The following CACNA1B variants were observed in gnomAD, a reference collection of about 807,000 sequenced individuals.
The protein encoded by CACNA1B is calcium voltage-gated channel subunit alpha1 B, also known as voltage-dependent N-type calcium channel subunit alpha-1B.
CACNA1B carries 70 observed loss-of-function variants against 247.2 expected under a neutral mutation model. That is an observed-to-expected ratio of 0.28 (90% CI 0.23 to 0.35). CACNA1B has a LOEUF of 0.35. Ranked by LOEUF, CACNA1B falls within the 10% of genes least tolerant of loss-of-function variation. The probability of loss-of-function intolerance (pLI) is 1.00; values close to 1 mark genes in which losing one functional copy is unlikely to be tolerated. For synonymous variants in CACNA1B, 1,231 were observed against 1,294.4 expected (o/e 0.95, Z 1.05); for missense variants, 2,367 against 3,197.4 (o/e 0.74, Z 6.26).
chr9:138,073,598 C>T lies in CACNA1B; in HGVS notation c.4785C>T (p.Ser1595=), dbSNP rs763281678. Residue 1595 remains serine (S), a synonymous_variant, in exon 33 of 47, where the codon TCC becomes TCT. Transcript: ENST00000371372. The surrounding 1 kb of genome is among the most constrained non-coding windows in gnomAD (Gnocchi z 6.4). Reference sequence around the variant, plus strand: ...TCCTGCTGTGGACCTTTGTCCAGTCCTTCAAGGTGGGCCAGGCGGGGGGCC... The same window carrying T: ...TCCTGCTGTGGACCTTTGTCCAGTCTTTCAAGGTGGGCCAGGCGGGGGGCC... The part of the protein sequence containing the change: ...IRILLWTFVQ[S]FKALPYVCLL... The T allele has an allele frequency of 6.3e-6, 10 of 1,590,648 alleles. No individual in the cohort carries two copies. The highest frequency in any genetic ancestry group is 2.2e-5 in the South Asian group (2 of 90,630).
At chr9:137,994,237 C>G (rs1958469593) in intron 15 of CACNA1B, among the ~76,000 whole-genome samples, 1 of 152,178 alleles carries the variant, frequency 6.6e-6, no homozygotes, top group Non-Finnish European at 1.5e-5. Context: ...CCACAGCCAA[C>G]ATAATACTGA....
At chr9:137,941,632 T>C (rs1272972284) in intron 6 of CACNA1B, among the ~76,000 whole-genome samples, 1 of 152,118 alleles carries the variant, frequency 6.6e-6, no homozygotes, top group Non-Finnish European at 1.5e-5. Flanking sequence ...CAAAACAGCA[T>C]GGTACTGGTA....
chr9:137,962,178 T>G (rs148875686), intron 10 of CACNA1B, among the ~76,000 whole-genome samples: 1 of 152,176 alleles, frequency 6.6e-6, no homozygotes, highest in Admixed American at 6.5e-5. Context: ...GAGGTGTTTA[T>G]AGTATTCTCT....
In CACNA1B at chr9:137,956,568, C is replaced by T. The variant is rs111955103; in HGVS notation, c.1187-203C>T. Among the ~76,000 whole-genome samples, 4,859 of 151,778 alleles carry T rather than the reference C, an allele frequency of 0.032. 247 individuals are homozygous for T. The highest frequency in any genetic ancestry group is 0.11 in the African/African-American group (4,480 of 41,288). ...AGTGGGGAGGCTGAGGCAGGAGAAT[C>T]GCTTGAACCCGGAAGGTGGAGGTTG... On this transcript the variant is annotated intron_variant, in intron 8 of 46. Transcript: ENST00000371372.
chr9:137,895,179 G>A (rs1189745197), intron 3 of CACNA1B, among the ~76,000 whole-genome samples: 1 of 152,084 alleles, frequency 6.6e-6, no homozygotes, highest in Non-Finnish European at 1.5e-5. Context: ...CTATTTCTGG[G>A]TTCTTTATTC....
At chr9:137,909,046 A>G (rs1957331009) in intron 3 of CACNA1B, among the ~76,000 whole-genome samples, 1 of 147,082 alleles carries the variant, frequency 6.8e-6, no homozygotes, top group African/African-American at 2.5e-5. Context: ...GCTGGAGTGC[A>G]ATGGTGCAAT....
intron 16 of CACNA1B, among the ~76,000 whole-genome samples, chr9:138,009,607 T>G (rs893016489): frequency 9.2e-5 from 14 of 152,134 alleles, no homozygotes; most frequent in African/African-American, 3.4e-4. Flanking sequence ...CTTCTTGTGC[T>G]GGCCGGGGCT....
chr9:137,882,701 C>T lies in CACNA1B; in HGVS notation c.391-43C>T, dbSNP rs201375153. ...CAACCGTCTCTGCCCGCTACTACACCGGGTAGGGGCCAGGGGTGACCACTG... is the reference window on the plus strand; with the variant it reads ...CAACCGTCTCTGCCCGCTACTACACTGGGTAGGGGCCAGGGGTGACCACTG... On this transcript the variant is annotated intron_variant, in intron 2 of 46. Transcript: ENST00000371372. The surrounding 1 kb of genome is among the most constrained non-coding windows in gnomAD (Gnocchi z 4.0). The T allele has an allele frequency of 2.3e-5, 37 of 1,610,972 alleles. 1 individual carries two copies. Among genetic ancestry groups the T allele is most frequent in the South Asian group, 1.8e-4 (16 of 90,956 alleles).
intron 35 of CACNA1B, among the ~76,000 whole-genome samples, chr9:138,076,909 A>G (rs1432825156): frequency 2.6e-5 from 4 of 152,210 alleles, no homozygotes; most frequent in African/African-American, 7.2e-5. Flanking sequence ...TTTGCATAAC[A>G]TAAGCAAGCA....
chr9:137,883,347 G>A (rs1409944263), intron 3 of CACNA1B, among the ~76,000 whole-genome samples: 2 of 152,058 alleles, frequency 1.3e-5, no homozygotes, highest in Non-Finnish European at 2.9e-5. Context: ...TGTCCACCTC[G>A]CTCAGAGCCC....
At chr9:137,936,270 T>C (rs1158203658) in intron 6 of CACNA1B, among the ~76,000 whole-genome samples, 3 of 152,354 alleles carry the variant, frequency 2.0e-5, no homozygotes, top group South Asian at 2.1e-4. Flanking sequence ...TTCATGTGCC[T>C]GTTGGCTGCA....
rs1369116795 is a variant in CACNA1B, at chr9:137,971,025, G to A, written c.1334-358G>A. On this transcript the variant is annotated intron_variant, in intron 10 of 46. Coordinates refer to ENST00000371372, the MANE Select transcript of CACNA1B (RefSeq NM_000718.4). This position sits in a 1 kb window ranked among gnomAD's most constrained non-coding sequence, Gnocchi z 4.4. ...GCTGAAGAGATGGGATCTGGGGAGG[G>A]ACTAACTCAGATTTATGTCTTCAGG... 6.6e-6 allele frequency among the ~76,000 whole-genome samples: 1 copy of A among 152,166 alleles called. No homozygotes were observed. The highest frequency in any genetic ancestry group is 1.5e-5 in the Non-Finnish European group (1 of 68,028).
rs772708244 is a variant in CACNA1B, at chr9:138,052,308, G to T, written c.3807+120G>T. The T allele has an allele frequency of 1.6e-6, 1 of 628,434 alleles. No homozygotes were observed. Among genetic ancestry groups the T allele is most frequent in the South Asian group, 1.8e-5 (1 of 55,418 alleles). The allele number at this position is 628,434 out of a possible 1,614,324, so 38.9% of individuals were successfully genotyped here. A position where few individuals can be genotyped will look rare whatever the true frequency, so the allele number is the denominator to read the frequency against. On this transcript the variant is annotated intron_variant, in intron 25 of 46. Coordinates refer to ENST00000371372, the MANE Select transcript of CACNA1B (RefSeq NM_000718.4). The surrounding 1 kb of genome is among the most constrained non-coding windows in gnomAD (Gnocchi z 5.1). ...GTGTGTGTGTTCACATCACACCCCT[G>T]TGTGAGGGGGTTGGGCTCACTCAGC...
intron 6 of CACNA1B, among the ~76,000 whole-genome samples, chr9:137,948,867 C>CTAGTGTGTG (rs978664734): frequency 8.2e-6 from 1 of 122,044 alleles, no homozygotes; most frequent in African/African-American, 3.2e-5. Flanking sequence ...GTATTTGTGT[C>CTAGTGTGTG]TAGTGTGTGT....
chr9:137,922,642 G>A (rs569737076), intron 6 of CACNA1B, among the ~76,000 whole-genome samples: 1 of 152,312 alleles, frequency 6.6e-6, no homozygotes, highest in South Asian at 2.1e-4. Flanking sequence ...CAGAGCAGTG[G>A]GAAGTAACTG....
chr9:138,090,136 C>T (rs183421331), intron 36 of CACNA1B, among the ~76,000 whole-genome samples: 35 of 152,114 alleles, frequency 2.3e-4, no homozygotes, highest in African/African-American at 8.2e-4. Context: ...TAATCTTGAG[C>T]AACAAGAAGA....
chr9:137,949,080 T>TGC (rs2133331929), intron 6 of CACNA1B, among the ~76,000 whole-genome samples: 4 of 108,612 alleles, frequency 3.7e-5, no homozygotes, highest in African/African-American at 1.0e-4. Context: ...GTGTGTGTGG[T>TGC]GTGTGTGTGG....
In CACNA1B at chr9:138,051,382, C is replaced by T. The variant is rs1279942530; in HGVS notation, c.3711-710C>T. Among the ~76,000 whole-genome samples, 1 of 151,620 alleles carries T rather than the reference C, an allele frequency of 6.6e-6. No individual in the cohort carries two copies. The highest frequency in any genetic ancestry group is 6.6e-5 in the Admixed American group (1 of 15,234). Reference sequence around the variant, plus strand: ...TTCTTTCCCCGACTTCCTGCCTTGCCGTCCCTGCTCTGCATGAGTTTTCCT... The same window carrying T: ...TTCTTTCCCCGACTTCCTGCCTTGCTGTCCCTGCTCTGCATGAGTTTTCCT... On this transcript the variant is annotated intron_variant, in intron 24 of 46. Coordinates refer to ENST00000371372, the MANE Select transcript of CACNA1B (RefSeq NM_000718.4). The surrounding 1 kb of genome is among the most constrained non-coding windows in gnomAD (Gnocchi z 4.3).
chr9:137,939,493 G>A (rs1252295782), intron 6 of CACNA1B, among the ~76,000 whole-genome samples: 1 of 152,032 alleles, frequency 6.6e-6, no homozygotes, highest in Non-Finnish European at 1.5e-5. Flanking sequence ...AATCAAGACG[G>A]AAATTTAAAA....
Sources: gnomAD v4.1 joint callset for allele counts (sites outside exome capture counted in the v4.1 genomes callset) on GRCh38, gnomAD v4.1.1 for gene constraint, Gnocchi (gnomAD v3.1) non-coding constraint, MANE v1.5 for transcripts, NCBI Gene and HGNC (gene_info 2026-07-23, HGNC 2026-07-21) for gene names.